Variants in VRK2 observed in about 807,000 individuals in gnomAD.
VRK2 encodes VRK serine/threonine kinase 2, also known as serine/threonine-protein kinase VRK2.
A neutral mutation model predicts 57.6 loss-of-function variants in VRK2; 60 were observed. The ratio of observed to expected loss-of-function variants is 1.04; its 90% CI spans 0.85 to 1.29. VRK2 has a LOEUF of 1.29. VRK2 is among the 50% of genes most tolerant of loss of function. The pLI, the probability that VRK2 is intolerant of heterozygous loss-of-function variation, is 0.00. For missense variants in VRK2, 705 were observed against 588.1 expected (o/e 1.20, Z -2.06); for synonymous variants, 231 against 199.2 (o/e 1.16, Z -1.35).
intron 1 of VRK2, among the ~76,000 whole-genome samples, chr2:57,968,313 A>G (rs1032762263): frequency 6.6e-6 from 1 of 152,082 alleles, no homozygotes; most frequent in African/African-American, 2.4e-5. Flanking sequence ...GAGGAAATCC[A>G]AAGTTAAGTA....
At chr2:58,123,324 T>C in intron 8 of VRK2, 91 bp downstream of exon 8, 1 of 1,475,796 alleles carries the variant, frequency 6.8e-7, no homozygotes, top group Non-Finnish European at 9.0e-7. Flanking sequence ...CTTTGCATAG[T>C]CAGTTTGAAG....
intron 1 of VRK2, among the ~76,000 whole-genome samples, chr2:57,929,410 G>A (rs1255674957): frequency 3.3e-5 from 5 of 152,164 alleles, no homozygotes; most frequent in African/African-American, 1.2e-4. Context: ...TCTTTAGTCA[G>A]CTTTTGGTGA....
At chr2:57,988,019 CA>C (rs1486175968) in intron 1 of VRK2, among the ~76,000 whole-genome samples, 1 of 152,088 alleles carries the variant, frequency 6.6e-6, no homozygotes, top group Non-Finnish European at 1.5e-5. Context: ...AGATTGACCA[CA>C]AAGCATGGCA....
At chr2:58,049,492 A>C (rs530196909) in intron 2 of VRK2, among the ~76,000 whole-genome samples, 12 of 152,194 alleles carry the variant, frequency 7.9e-5, no homozygotes, top group Admixed American at 6.5e-4. Context: ...ATAATTGAAA[A>C]AATAAACACT....
chr2:58,156,637 T>A (rs1388126549), intron 12 of VRK2, among the ~76,000 whole-genome samples: 1 of 152,116 alleles, frequency 6.6e-6, no homozygotes, highest in East Asian at 1.9e-4. Context: ...TCTAGTTGAT[T>A]GTCAAATCAG....
intron 1 of VRK2, among the ~76,000 whole-genome samples, chr2:57,957,936 G>A (rs999056442): frequency 5.3e-5 from 8 of 152,034 alleles, no homozygotes; most frequent in Admixed American, 2.6e-4. Flanking sequence ...ATGGAACAAC[G>A]AAAGATTGAG....
chr2:58,034,443 A>T (rs1674211619), intron 3 of VRK2, among the ~76,000 whole-genome samples: 1 of 151,992 alleles, frequency 6.6e-6, no homozygotes, highest in African/African-American at 2.4e-5. Context: ...ATCCTGCCTG[A>T]CTACTGAAAT....
chr2:57,917,028 C>A (rs1670179725), intron 1 of VRK2, among the ~76,000 whole-genome samples: 1 of 151,460 alleles, frequency 6.6e-6, no homozygotes, highest in African/African-American at 2.4e-5. Context: ...AATGTACAAT[C>A]TCTAGATTAC....
chr2:57,987,146 T>C (rs1476982131), intron 1 of VRK2, among the ~76,000 whole-genome samples: 2 of 152,036 alleles, frequency 1.3e-5, no homozygotes, highest in African/African-American at 4.8e-5. Context: ...TAAAATATTA[T>C]AAGAAAAGTT....
intron 2 of VRK2, among the ~76,000 whole-genome samples, chr2:58,064,500 C>T (rs187794417): frequency 9.9e-5 from 15 of 152,140 alleles, no homozygotes; most frequent in African/African-American, 3.1e-4. Context: ...AAGGCATGTA[C>T]GTTGTTTTTT....
At chr2:57,954,529 G>T (rs1044487426) in intron 1 of VRK2, among the ~76,000 whole-genome samples, 7 of 151,770 alleles carry the variant, frequency 4.6e-5, no homozygotes, top group South Asian at 2.1e-4. Flanking sequence ...AATATGCAGT[G>T]TTTTTTTCTT....
At chr2:58,023,248 C>A (rs572479250) in intron 1 of VRK2, among the ~76,000 whole-genome samples, 21 of 152,312 alleles carry the variant, frequency 1.4e-4, no homozygotes, top group African/African-American at 5.1e-4. Context: ...CCTTTTGTGA[C>A]TGGCTTATGT....
intron 7 of VRK2, among the ~76,000 whole-genome samples, chr2:58,117,581 GCA>G (rs1429397733): frequency 6.6e-6 from 1 of 152,206 alleles, no homozygotes; most frequent in East Asian, 1.9e-4. Context: ...GTTGCACTGG[GCA>G]CAGAGACTAG....
chr2:57,981,186 C>T (rs1388861773), intron 1 of VRK2, among the ~76,000 whole-genome samples: 3 of 152,150 alleles, frequency 2.0e-5, no homozygotes, highest in Non-Finnish European at 4.4e-5. Context: ...TCTTTCATTT[C>T]CATGTTTAGC....
chr2:58,142,610 A>G (rs1044419795), intron 11 of VRK2, among the ~76,000 whole-genome samples: 4 of 151,882 alleles, frequency 2.6e-5, no homozygotes, highest in Non-Finnish European at 4.4e-5. Context: ...AGACCATCAC[A>G]GTCTCTTTAT....
chr2:58,097,505 G>T (rs139117487), intron 7 of VRK2, among the ~76,000 whole-genome samples: 1 of 152,024 alleles, frequency 6.6e-6, no homozygotes, highest in African/African-American at 2.4e-5. Context: ...CAGAGGAAAT[G>T]TAGTTTGTCC....
intron 1 of VRK2, among the ~76,000 whole-genome samples, chr2:57,972,705 A>G (rs930926893): frequency 5.9e-5 from 9 of 152,016 alleles, no homozygotes; most frequent in Middle Eastern, 6.8e-3. Flanking sequence ...AAATCTATAA[A>G]GAAACGAAAC....
chr2:58,023,712 C>T (rs1208398740), intron 1 of VRK2, among the ~76,000 whole-genome samples: 8 of 152,090 alleles, frequency 5.3e-5, no homozygotes, highest in Admixed American at 5.2e-4. Context: ...CTTTAGATAG[C>T]AGTCAAAGAT....
intron 11 of VRK2, among the ~76,000 whole-genome samples, chr2:58,144,204 T>G (rs764411596): frequency 6.6e-6 from 1 of 151,790 alleles, no homozygotes; most frequent in Non-Finnish European, 1.5e-5. Context: ...AATAAACTTA[T>G]GAAAGCAGAG....
Sources: gnomAD v4.1 joint callset for allele counts (sites outside exome capture counted in the v4.1 genomes callset) on GRCh38, gnomAD v4.1.1 for gene constraint, MANE v1.5 for transcripts, NCBI Gene and HGNC (gene_info 2026-07-23, HGNC 2026-07-21) for gene names.